Variants in SLC12A9 observed in about 807,000 individuals in gnomAD.
SLC12A9 encodes the protein solute carrier family 12 member 9.
SLC12A9 carries 55 observed loss-of-function variants against 66.0 expected under a neutral mutation model. The ratio of observed to expected loss-of-function variants is 0.83; its 90% CI spans 0.67 to 1.04. SLC12A9 has a LOEUF of 1.04. SLC12A9 is among the 50% of genes least tolerant of loss of function. The probability of loss-of-function intolerance (pLI) is 0.00; values close to 1 mark genes in which losing one functional copy is unlikely to be tolerated. For synonymous variants in SLC12A9, 577 were observed against 569.0 expected (o/e 1.01, Z -0.20); for missense variants, 1,061 against 1,241.9 (o/e 0.85, Z 2.19).
chr7:100,857,270 A>G, intron 5 of SLC12A9, 94 bp downstream of exon 5: 2 of 1,366,178 alleles, frequency 1.5e-6, no homozygotes, highest in Non-Finnish European at 1.0e-6. Flanking sequence ...CACAGGTGTC[A>G]GAGGGAATGG....
intron 1 of SLC12A9, among the ~76,000 whole-genome samples, chr7:100,841,111 A>G (rs979494514): frequency 2.6e-5 from 4 of 152,126 alleles, no homozygotes; most frequent in Admixed American, 2.6e-4. Context: ...GAATTTATAT[A>G]AAAAGAGTAT....
At position 100,860,149 on chromosome 7, in the gene SLC12A9, G is replaced by A. The variant is rs1290659040; in HGVS notation, c.1136-1G>A. The A allele has an allele frequency of 2.5e-6, 4 of 1,614,196 alleles. No homozygotes were observed. The highest frequency in any genetic ancestry group is 3.4e-6 in the Non-Finnish European group (4 of 1,180,048). On this transcript the variant is annotated splice_acceptor_variant, in intron 8 of 13. Coordinates refer to ENST00000354161, the MANE Select transcript of SLC12A9 (RefSeq NM_020246.4). LOFTEE classifies it high-confidence loss of function. ...GTCTGCTGTGGATTCTGTTTTTCTA[G>A]GCGTGATCTTGGCACCGGCCAAGGT...
upstream of SLC12A9, among the ~76,000 whole-genome samples, chr7:100,848,696 C>A (rs565267038): frequency 2.6e-5 from 4 of 151,846 alleles, no homozygotes; most frequent in East Asian, 5.8e-4. Flanking sequence ...ACCATTCTGG[C>A]TAACACGGTG....
At position 100,859,946 on chromosome 7, in the gene SLC12A9, T is replaced by C; in HGVS notation, c.1039T>C (p.Leu347=). Reference sequence around the variant, plus strand: ...CATCAGCCTGTGGCCCCCACTGGTGTTGATCGGAATCTATGCCACAGCGCT... The same window carrying C: ...CATCAGCCTGTGGCCCCCACTGGTGCTGATCGGAATCTATGCCACAGCGCT... The part of the protein sequence containing the change: ...RAISLWPPLV[L]IGIYATALSA... The change falls in exon 8 of 14, where the codon TTG becomes CTG. Residue 347 remains leucine (L), a synonymous_variant. Transcript: ENST00000354161. The C allele has an allele frequency of 6.2e-7, 1 of 1,612,408 alleles. No homozygotes were observed. Among genetic ancestry groups the C allele is most frequent in the East Asian group, 2.2e-5 (1 of 44,792 alleles).
intron 1 of SLC12A9, among the ~76,000 whole-genome samples, chr7:100,834,522 G>C (rs938611436): frequency 7.2e-5 from 11 of 152,182 alleles, no homozygotes; most frequent in Non-Finnish European, 5.9e-5. Flanking sequence ...AACCCAGATA[G>C]GCGTGTATGT....
chr7:100,865,961 C>CG lies in SLC12A9; in HGVS notation c.2104dup (p.Ala702GlyfsTer8), dbSNP rs1815057158. 6.2e-7 allele frequency: 1 copy of CG among 1,612,924 alleles called. No homozygotes were observed. Among genetic ancestry groups the CG allele is most frequent in the Admixed American group, 1.7e-5 (1 of 59,994 alleles). Reference sequence around the variant, plus strand: ...GATGAACAAGAATGTGGTGCTGGCCCGGGCCAGCGGGGCCTTGCCCCCTGA... The same window carrying CG: ...GATGAACAAGAATGTGGTGCTGGCCCGGGGCCAGCGGGGCCTTGCCCCCTGA... On this transcript the variant is annotated frameshift_variant, in exon 14 of 14. Coordinates refer to ENST00000354161, the MANE Select transcript of SLC12A9 (RefSeq NM_020246.4). LOFTEE classifies it high-confidence loss of function.
chr7:100,853,562 C>CT (rs11464288), intron 1 of SLC12A9: 131,705 of 143,634 alleles, frequency 0.92, 61,145 homozygotes, highest in South Asian at 0.99. Context: ...GCGGTTGTCT[C>CT]TTTTTTTTTT....
upstream of SLC12A9, among the ~76,000 whole-genome samples, chr7:100,849,238 T>C (rs1216366584): frequency 6.6e-6 from 1 of 151,120 alleles, no homozygotes; most frequent in Non-Finnish European, 1.5e-5. Context: ...TCACTTCCCT[T>C]CTTACCTAGC....
At chr7:100,837,966 T>C (rs1239365284) in intron 1 of SLC12A9, among the ~76,000 whole-genome samples, 1 of 148,844 alleles carries the variant, frequency 6.7e-6, no homozygotes, top group Non-Finnish European at 1.5e-5. Context: ...GTTCACGCCA[T>C]TCTCCTGCCT....
At chr7:100,853,948 C>T (rs538137759) in intron 1 of SLC12A9, among the ~76,000 whole-genome samples, 23 of 152,144 alleles carry the variant, frequency 1.5e-4, no homozygotes, top group African/African-American at 4.8e-4. Flanking sequence ...AGGGTGGTCT[C>T]GAACTCCTGA....
Position 100,827,745 on chromosome 7 carries a change from C to T in SLC12A9, n.228+698C>T, listed in dbSNP as rs149628113. Among the ~76,000 whole-genome samples the T allele has an allele frequency of 2.9e-3, 446 of 152,274 alleles. 3 individuals carry two copies. Among genetic ancestry groups the T allele is most frequent in the South Asian group, 8.7e-3 (42 of 4,828 alleles). On this transcript the variant is annotated intron_variant and non_coding_transcript_variant, in intron 1 of 1. Coordinates refer to the SLC12A9 transcript ENST00000461016. ...GGCGGCGGGTGAGGAACCCCGGGAC[C>T]GCCCAGATGTGCGCCGTGGCGGTGC... is the stretch of plus-strand genomic sequence containing the variant.
chr7:100,836,158 G>A (rs149488170), intron 1 of SLC12A9, among the ~76,000 whole-genome samples: 276 of 152,334 alleles, frequency 1.8e-3, no homozygotes, highest in Non-Finnish European at 2.8e-3. Context: ...TTGTGTCCTG[G>A]CTGGGAATGG....
chr7:100,859,747 A>C, intron 7 of SLC12A9, 138 bp from the exon 8 acceptor site: 1 of 1,096,594 alleles, frequency 9.1e-7, no homozygotes. Flanking sequence ...GAGTGATTAA[A>C]TCCAAGGCTG....
intron 1 of SLC12A9, among the ~76,000 whole-genome samples, chr7:100,841,297 C>T (rs1813785698): frequency 6.6e-6 from 1 of 150,976 alleles, no homozygotes; most frequent in South Asian, 2.1e-4. Flanking sequence ...ACTAGGCCTC[C>T]TGAATGTAAA....
chr7:100,851,320 G>C (rs1814068160), upstream of SLC12A9, among the ~76,000 whole-genome samples: 1 of 152,106 alleles, frequency 6.6e-6, no homozygotes, highest in African/African-American at 2.4e-5. Flanking sequence ...CAAAACCACA[G>C]ACTAACAAGG....
chr7:100,839,686 C>T (rs1317089276), intron 1 of SLC12A9, among the ~76,000 whole-genome samples: 1 of 152,148 alleles, frequency 6.6e-6, no homozygotes, highest in Non-Finnish European at 1.5e-5. Context: ...TGGCTGAACA[C>T]CAGGAAGGAA....
chr7:100,837,505 G>A (rs926843784), intron 1 of SLC12A9: 1 of 152,174 alleles, frequency 6.6e-6, no homozygotes, highest in African/African-American at 2.4e-5. Flanking sequence ...TTTCCTTCCC[G>A]GCCGTCAGTC....
At chr7:100,843,277 C>T (rs1001722795) in intron 1 of SLC12A9, among the ~76,000 whole-genome samples, 13 of 152,260 alleles carry the variant, frequency 8.5e-5, no homozygotes, top group South Asian at 4.1e-4. Context: ...TCTATTTAGA[C>T]GCAATTGGAG....
Position 100,865,899 on chromosome 7 carries a change from C to T in SLC12A9, c.2039C>T (p.Pro680Leu). Residue 680 changes from proline (P) to leucine (L), a missense_variant, in exon 14 of 14, where the codon CCC becomes CTC. Pro to Leu is a moderately conservative substitution (Grantham distance 98). Coordinates refer to ENST00000354161, the MANE Select transcript of SLC12A9 (RefSeq NM_020246.4). ...RAPGSPRALN[P>L]QDYVATVADA... ...CCTGGGAGCCCCCGGGCCCTCAATC[C>T]CCAGGACTATGTGGCCACGGTGGCC... 6.2e-7 allele frequency: 1 copy of T among 1,613,660 alleles called. No individual in the cohort carries two copies. The highest frequency in any genetic ancestry group is 8.5e-7 in the Non-Finnish European group (1 of 1,180,004).
Sources: gnomAD v4.1 joint callset for allele counts (sites outside exome capture counted in the v4.1 genomes callset) on GRCh38, gnomAD v4.1.1 for gene constraint, MANE v1.5 for transcripts, NCBI Gene and HGNC (gene_info 2026-07-23, HGNC 2026-07-21) for gene names.